COPG2: variants seen among roughly 807,000 people sequenced by gnomAD.
The protein encoded by COPG2 is coatomer subunit gamma-2.
In COPG2, 37 loss-of-function variants were observed where a neutral mutation model predicts 46.3. That is an observed-to-expected ratio of 0.80 (90% confidence interval 0.61 to 1.05). The LOEUF is 1.05. Among genes scored for constraint, COPG2 ranks in the 50% least tolerant of loss-of-function variants. The pLI is 0.00. For missense variants in COPG2, 427 were observed against 387.8 expected, an observed-to-expected ratio of 1.10 and a Z score of -0.85; for synonymous variants, 159 against 129.7, an observed-to-expected ratio of 1.23 and a Z score of -1.53.
intron 5 of COPG2, among the ~76,000 whole-genome samples, chr7:130,630,661 A>G (rs1300127338): frequency 6.6e-6 from 1 of 152,194 alleles, no homozygotes; most frequent in Non-Finnish European, 1.5e-5. Flanking sequence ...CTCTGTTATT[A>G]GCTCCATAAA....
chr7:130,592,783 A>C (rs995264678), intron 9 of COPG2, among the ~76,000 whole-genome samples: 8 of 152,202 alleles, frequency 5.3e-5, no homozygotes, highest in Non-Finnish European at 1.2e-4. Context: ...ATACCAGGGA[A>C]GGGATACTTC....
intron 20 of COPG2, among the ~76,000 whole-genome samples, chr7:130,538,141 T>C (rs936204756): frequency 5.3e-5 from 8 of 151,994 alleles, no homozygotes; most frequent in African/African-American, 1.2e-4. Context: ...AGTCTGTGGA[T>C]TGACCTGGCG....
rs1390200467 is a variant in COPG2 at position 130,563,862 on chromosome 7, A to G, written c.871+398T>C. On this transcript the variant is annotated intron_variant, in intron 10 of 23. Transcript: ENST00000425248. ...GCTCTTTTTAAAAAAAAATTAGAAT[A>G]CCCATTAATACCTGAACTAAATGGT... Among the ~76,000 whole-genome samples, 5 of 151,794 alleles carry G rather than the reference A, an allele frequency of 3.3e-5. No individual in the cohort carries two copies. In the East Asian group the frequency reaches 9.6e-4, roughly 29 times the overall value.
At chr7:130,602,082 T>C (rs1204424673) in intron 9 of COPG2, among the ~76,000 whole-genome samples, 1 of 152,216 alleles carries the variant, frequency 6.6e-6, no homozygotes, top group African/African-American at 2.4e-5. Flanking sequence ...TGAATCAAAC[T>C]GGACAGATTC....
chr7:130,610,829 G>T, intron 9 of COPG2, 124 bp downstream of exon 9: 1 of 936,956 alleles, frequency 1.1e-6, no homozygotes, highest in Non-Finnish European at 1.7e-6. Flanking sequence ...TTAAAAAATT[G>T]AAAAACATTG....
chr7:130,571,845 C>CTATATA (rs797032340), intron 9 of COPG2, among the ~76,000 whole-genome samples: 3 of 149,002 alleles, frequency 2.0e-5, no homozygotes, highest in African/African-American at 7.4e-5. Context: ...CTCTCTCTCT[C>CTATATA]TATATATATA....
At chr7:130,546,467 C>T (rs1324950217) in intron 20 of COPG2, among the ~76,000 whole-genome samples, 1 of 152,128 alleles carries the variant, frequency 6.6e-6, no homozygotes, top group Non-Finnish European at 1.5e-5. Flanking sequence ...AGCCAGATAG[C>T]CTCGAGCTCA....
chr7:130,554,085 G>C (rs1793577374), intron 14 of COPG2, among the ~76,000 whole-genome samples: 1 of 152,188 alleles, frequency 6.6e-6, no homozygotes, highest in South Asian at 2.1e-4. Context: ...TCAGTAGCTA[G>C]TGAAAAGCTC....
chr7:130,561,841 A>C (rs1198614294), intron 11 of COPG2, among the ~76,000 whole-genome samples: 2 of 152,364 alleles, frequency 1.3e-5, no homozygotes, highest in African/African-American at 4.8e-5. Flanking sequence ...AACTAATGCG[A>C]AACTCTTTAA....
At chr7:130,575,635 C>G (rs968608258) in intron 9 of COPG2, among the ~76,000 whole-genome samples, 3 of 151,976 alleles carry the variant, frequency 2.0e-5, no homozygotes, top group Non-Finnish European at 4.4e-5. Flanking sequence ...ACCTATAAAA[C>G]AAAAATATAA....
At chr7:130,561,499 C>T (rs1288138081) in intron 11 of COPG2, among the ~76,000 whole-genome samples, 5 of 152,106 alleles carry the variant, frequency 3.3e-5, no homozygotes, top group African/African-American at 4.8e-5. Context: ...CCTTATAGTA[C>T]GTGTGTTCAT....
Position 130,581,535 on chromosome 7 carries a change from T to C in COPG2, c.738-17142A>G, listed in dbSNP as rs1242872668. 2.7e-4 allele frequency among the ~76,000 whole-genome samples: 38 copies of C among 143,378 alleles called. No homozygotes were observed. The Middle Eastern group carries it at 0.022, about 83-fold the overall frequency. 94.1% of individuals were successfully genotyped at this position (143,378 alleles called of 152,430 possible). ...GAGAAGGAAATAAAGGGTATTCAAT[T>C]AGGAAAAGAGGAAGTCAAATTGTCC... On this transcript the variant is annotated intron_variant, in intron 9 of 23. Transcript: ENST00000425248.
intron 20 of COPG2, among the ~76,000 whole-genome samples, chr7:130,530,850 T>C (rs1799817954): frequency 6.7e-6 from 1 of 149,320 alleles, no homozygotes; most frequent in African/African-American, 2.5e-5. Flanking sequence ...ACAGGTGGAG[T>C]GAGGTGAAGG....
intron 17 of COPG2, among the ~76,000 whole-genome samples, 159 bp downstream of exon 17, chr7:130,550,365 C>T (rs1302391449): frequency 1.5e-5 from 2 of 134,954 alleles, no homozygotes; most frequent in Non-Finnish European, 3.0e-5. Context: ...GACTAGAGAT[C>T]GCGCCACTGT....
At chr7:130,651,187 AT>A (rs1554459001) in intron 5 of COPG2, among the ~76,000 whole-genome samples, 1 of 152,246 alleles carries the variant, frequency 6.6e-6, no homozygotes, top group Non-Finnish European at 1.5e-5. Flanking sequence ...AGAACTATAA[AT>A]TATATATACT....
At chr7:130,523,909 C>T (rs36139325) in intron 20 of COPG2, among the ~76,000 whole-genome samples, 14 of 151,718 alleles carry the variant, frequency 9.2e-5, no homozygotes, top group Non-Finnish European at 1.3e-4. Flanking sequence ...GGAGCCGGGT[C>T]TCAGGCAGGG....
intron 9 of COPG2, among the ~76,000 whole-genome samples, chr7:130,565,112 G>T (rs1793781936): frequency 6.6e-6 from 1 of 152,228 alleles, no homozygotes; most frequent in Non-Finnish European, 1.5e-5. Context: ...ATGTGCATGT[G>T]CAGGGCTAAG....
At chr7:130,660,407 C>T (rs1795954888) in intron 4 of COPG2, among the ~76,000 whole-genome samples, 1 of 152,128 alleles carries the variant, frequency 6.6e-6, no homozygotes, top group Non-Finnish European at 1.5e-5. Context: ...CCATCTTTTT[C>T]TTTAACTGAA....
In COPG2 at chr7:130,552,415, A is replaced by G; in HGVS notation, c.1484T>C (p.Leu495Ser). 2.5e-6 allele frequency: 1 copy of G among 398,434 alleles called. No individual in the cohort carries two copies. The highest frequency in any genetic ancestry group is 4.4e-6 in the Non-Finnish European group (1 of 225,928). The allele number at this position is 398,434 out of a possible 1,614,324, so 24.7% of individuals were successfully genotyped here. ...EAVRAAAVSA[L>S]AKFGAQNESL... Reference sequence around the variant, plus strand: ...CTCATTCTGAGCCCCAAATTTAGCCAAAGCACTCACAGCAGCTATAATGAA... The same window carrying G: ...CTCATTCTGAGCCCCAAATTTAGCCGAAGCACTCACAGCAGCTATAATGAA... Residue 495 changes from leucine to serine, a missense_variant, in exon 15 of 24, where the codon TTG becomes TCG. Leu to Ser is a moderately radical substitution (Grantham distance 145, BLOSUM62 -2). Transcript: ENST00000425248.
Sources: allele counts gnomAD v4.1 joint callset (sites outside exome capture counted in the v4.1 genomes callset), GRCh38; gene constraint gnomAD v4.1.1; transcripts MANE v1.5; gene names NCBI Gene and HGNC (gene_info 2026-07-23, HGNC 2026-07-21).